Variants in SRSF11 observed in about 807,000 individuals in gnomAD.
SRSF11 encodes the protein serine and arginine rich splicing factor 11, also known as serine/arginine-rich splicing factor 11.
Under a neutral mutation model 56.0 loss-of-function variants are expected in SRSF11, and 9 were observed. That is an observed-to-expected ratio of 0.16 (90% CI 0.10 to 0.28). The LOEUF is 0.28. Among genes scored for constraint, SRSF11 ranks in the 10% least tolerant of loss-of-function variants. The pLI is 1.00. For synonymous variants in SRSF11, 222 were observed against 215.3 expected (o/e 1.03, Z -0.27); for missense variants, 421 against 600.7 (o/e 0.70, Z 3.13).
intron 8 of SRSF11, among the ~76,000 whole-genome samples, chr1:70,245,563 A>T (rs1275273778): frequency 6.6e-6 from 1 of 152,210 alleles, no homozygotes; most frequent in Non-Finnish European, 1.5e-5. Context: ...AGAGTGATGG[A>T]TTTAATTACA....
intron 1 of SRSF11, among the ~76,000 whole-genome samples, chr1:70,214,268 CAT>C (rs939533043): frequency 5.9e-5 from 9 of 152,012 alleles, no homozygotes; most frequent in Non-Finnish European, 1.2e-4. Context: ...TCTTTTATAA[CAT>C]AGAAGATAGT....
chr1:70,231,491 A>G (rs753529192), intron 2 of SRSF11: 53 of 1,059,750 alleles, frequency 5.0e-5, no homozygotes, highest in South Asian at 3.0e-4. Flanking sequence ...TAGCTTTTCA[A>G]CTGGCACTGT....
chr1:70,237,324 G>A lies in SRSF11; in HGVS notation c.591-101G>A, dbSNP rs1264240014. The A allele has an allele frequency of 4.1e-6, 6 of 1,452,932 alleles. No individual in the cohort carries two copies. The Admixed American group carries it at 1.4e-4, about 34-fold the overall frequency. 90.0% of individuals were successfully genotyped at this position (1,452,932 alleles called of 1,614,324 possible). A position where few individuals can be genotyped will look rare whatever the true frequency, so the allele number is the denominator to read the frequency against. On this transcript the variant is annotated intron_variant, in intron 5 of 11. Coordinates refer to ENST00000370949, the MANE Select transcript of SRSF11 (RefSeq NM_001350605.2). ...GAGTCCTCCCCTCCCTTTTTTTGAA[G>A]GAATATTTTGCTAAAATAATGTTAT...
In SRSF11 at chr1:70,221,657, C is replaced by T. The variant is rs781582113; in HGVS notation, c.21C>T (p.Val7=). 5.6e-6 allele frequency: 9 copies of T among 1,612,222 alleles called. No individual in the cohort carries two copies. The South Asian group carries it at 6.6e-5, about 12-fold the overall frequency. The change falls in exon 1 of 12, where the codon GTC becomes GTT. Residue 7 remains valine (V), a synonymous_variant. Coordinates refer to ENST00000370949, the MANE Select transcript of SRSF11 (RefSeq NM_001350605.2). ...GCGCCATGAGCAACACTACCGTCGTCCCCAGCACTGCAGGTCCGGGCCCCA... is the reference window on the plus strand; with the variant it reads ...GCGCCATGAGCAACACTACCGTCGTTCCCAGCACTGCAGGTCCGGGCCCCA... MSNTTV[V]PSTAGPGPSG... is the part of the protein sequence containing the mutation.
Position 70,221,409 on chromosome 1 carries a change from G to A in SRSF11, c.-228G>A. On this transcript the variant is annotated 5_prime_UTR_variant, in exon 1 of 12. Transcript: ENST00000370949. ...TCGTGGTTGGAGGCGAGGTGGGGCG[G>A]CCGTTTGTTTTCTCGTGGTCTCGAG... 1.8e-6 allele frequency: 1 copy of A among 545,648 alleles called. No homozygotes were observed. Among genetic ancestry groups the A allele is most frequent in the Non-Finnish European group, 3.2e-6 (1 of 315,722 alleles). 33.8% of individuals were successfully genotyped at this position (545,648 alleles called of 1,614,324 possible). A position where few individuals can be genotyped will look rare whatever the true frequency, so the allele number is the denominator to read the frequency against.
rs760301710 is a variant in SRSF11, at chr1:70,246,840, G to C, written c.955G>C (p.Glu319Gln). Reference protein sequence around the residue: ...KTRDKKKEDKEKKRSKTPPKS... With the variant: ...KTRDKKKEDKQKKRSKTPPKS... Reference sequence around the variant, plus strand: ...TAGAGACAAAAAGAAAGAAGACAAAGAAAAGAAACGTTCTAAAACACCACC... The same window carrying C: ...TAGAGACAAAAAGAAAGAAGACAAACAAAAGAAACGTTCTAAAACACCACC... The change falls in exon 9 of 12, where the codon GAA (glutamate) becomes CAA (glutamine). Residue 319 changes from glutamate (E) to glutamine (Q), a missense_variant. Glu to Gln is a conservative substitution (Grantham distance 29, BLOSUM62 2). This residue lies in a region of SRSF11 where 253 missense variants were observed against 305.8 expected (regional missense o/e 0.83). Coordinates refer to ENST00000370949, the MANE Select transcript of SRSF11 (RefSeq NM_001350605.2). 4 of 1,610,488 alleles carry C rather than the reference G, an allele frequency of 2.5e-6. No homozygotes were observed. The Admixed American group carries it at 6.7e-5, about 27-fold the overall frequency.
chr1:70,232,622 A>G lies in SRSF11; in HGVS notation c.447+245A>G, dbSNP rs1673055435. ...TTGGCTCTCAAAATAACCCATGAGT[A>G]GTTTTGGAACAGTCTCCTGAGGCAT... On this transcript the variant is annotated intron_variant, in intron 3 of 11. Transcript: ENST00000370949. Among the ~76,000 whole-genome samples the G allele has an allele frequency of 1.3e-5, 2 of 152,348 alleles. 1 individual carries two copies. Among genetic ancestry groups the G allele is most frequent in the South Asian group, 4.1e-4 (2 of 4,828 alleles).
At chr1:70,238,279 G>A (rs894814463) in intron 6 of SRSF11, among the ~76,000 whole-genome samples, 4 of 152,158 alleles carry the variant, frequency 2.6e-5, no homozygotes, top group Non-Finnish European at 5.9e-5. Context: ...ACAGCCGGGT[G>A]TATGTAAAGT....
chr1:70,251,156 T>TA lies in SRSF11; in HGVS notation c.*353dup. The TA allele has an allele frequency of 5.3e-6, 1 of 189,480 alleles. No homozygotes were observed. Among genetic ancestry groups the TA allele is most frequent in the South Asian group, 1.2e-4 (1 of 8,050 alleles). The allele number at this position is 189,480 out of a possible 1,614,324, so 11.7% of individuals were successfully genotyped here. A position where few individuals can be genotyped will look rare whatever the true frequency, so the allele number is the denominator to read the frequency against. The stretch of plus-strand genomic sequence containing the variant: ...AGTAAGTTCACTTATAGTATTTCTA[T>TA]AATTTGATTCATTGCCGTAATAGAG... On this transcript the variant is annotated 3_prime_UTR_variant, in exon 12 of 12. Coordinates refer to ENST00000370949, the MANE Select transcript of SRSF11 (RefSeq NM_001350605.2).
At chr1:70,210,527 A>G (rs1001958412) in intron 1 of SRSF11, among the ~76,000 whole-genome samples, 4 of 152,170 alleles carry the variant, frequency 2.6e-5, no homozygotes, top group African/African-American at 9.7e-5. Context: ...AGCCTGGACA[A>G]TATCTTGAAA....
intron 4 of SRSF11, among the ~76,000 whole-genome samples, chr1:70,235,023 T>C (rs1673640320): frequency 6.6e-6 from 1 of 152,214 alleles, no homozygotes; most frequent in Admixed American, 6.5e-5. Context: ...CAGTACATTA[T>C]CAGTGTGTCA....
intron 1 of SRSF11, among the ~76,000 whole-genome samples, chr1:70,216,247 T>G (rs909328149): frequency 4.6e-5 from 7 of 152,222 alleles, no homozygotes; most frequent in African/African-American, 1.4e-4. Context: ...TTTGACATGC[T>G]TTCCTGCCAA....
At chr1:70,245,950 A>T (rs1426003120) in intron 8 of SRSF11, among the ~76,000 whole-genome samples, 1 of 152,184 alleles carries the variant, frequency 6.6e-6, no homozygotes, top group Non-Finnish European at 1.5e-5. Context: ...TGTTCTAGTA[A>T]TCTAGGAGTT....
At chr1:70,250,541 G>A (rs1677767429) in intron 11 of SRSF11, 38 bp downstream of exon 11, 3 of 1,607,866 alleles carry the variant, frequency 1.9e-6, no homozygotes, top group Non-Finnish European at 2.5e-6. Flanking sequence ...TATTTGGGGT[G>A]ATGTTGGTAC....
At chr1:70,229,420 G>T in intron 2 of SRSF11, 1 of 1,069,986 alleles carries the variant, frequency 9.3e-7, no homozygotes, top group Admixed American at 5.0e-5. Context: ...CAGGTTTTTT[G>T]GATCTAAAAA....
At chr1:70,239,907 C>T (rs1175474517) in intron 7 of SRSF11, among the ~76,000 whole-genome samples, 1 of 152,134 alleles carries the variant, frequency 6.6e-6, no homozygotes, top group East Asian at 1.9e-4. Context: ...ATCTGGCATG[C>T]TCACAACAAT....
chr1:70,238,572 T>G (rs1674632229), intron 6 of SRSF11, among the ~76,000 whole-genome samples: 1 of 152,240 alleles, frequency 6.6e-6, no homozygotes, highest in Admixed American at 6.5e-5. Context: ...TTCCTTTCTA[T>G]ATTTACACAA....
chr1:70,247,646 G>T (rs570039592), intron 9 of SRSF11, among the ~76,000 whole-genome samples: 3 of 152,216 alleles, frequency 2.0e-5, no homozygotes, highest in African/African-American at 7.2e-5. Flanking sequence ...CCATGAGCTT[G>T]GTGGTTTCCT....
chr1:70,232,414 AAAAC>A, intron 3 of SRSF11, 37 bp downstream of exon 3: 1 of 1,517,426 alleles, frequency 6.6e-7, no homozygotes, highest in Non-Finnish European at 9.0e-7. Context: ...GGTGGGGAAA[AAAAC>A]AGAATTGTGC....
Sources: gnomAD v4.1 joint callset for allele counts (sites outside exome capture counted in the v4.1 genomes callset) on GRCh38, gnomAD v4.1.1 for gene constraint, gnomAD v4.1.1 regional missense constraint, MANE v1.5 for transcripts, NCBI Gene and HGNC (gene_info 2026-07-23, HGNC 2026-07-21) for gene names.